C14orf132: variants seen among roughly 807,000 people sequenced by gnomAD.
C14orf132 encodes the protein chromosome 14 open reading frame 132.
In C14orf132, 6 loss-of-function variants were observed where a neutral mutation model predicts 5.8. That is an observed-to-expected ratio of 1.03 (90% CI 0.57 to 2.04). The LOEUF (loss-of-function observed/expected upper bound fraction) is 2.04. Among genes scored for constraint, C14orf132 ranks in the 30% most tolerant of loss-of-function variants. The probability of loss-of-function intolerance (pLI) is 0.00; values close to 1 mark genes in which losing one functional copy is unlikely to be tolerated. For missense variants in C14orf132, 125 were observed against 115.8 expected (o/e 1.08, Z -0.37); for synonymous variants, 51 against 49.8 (o/e 1.02, Z -0.10).
Position 96,093,754 on chromosome 14 carries a change from C to T in C14orf132, c.*7019C>T, listed in dbSNP as rs1479360999. The T allele has an allele frequency of 6.6e-6, 1 of 152,220 alleles. No individual in the cohort carries two copies. Among genetic ancestry groups the T allele is most frequent in the Admixed American group, 6.5e-5 (1 of 15,288 alleles). 9.4% of individuals were successfully genotyped at this position (152,220 alleles called of 1,614,324 possible). On this transcript the variant is annotated 3_prime_UTR_variant, in exon 2 of 2. Coordinates refer to ENST00000555004, the MANE Select transcript of C14orf132 (RefSeq NM_001252507.3). ...AAGACTCTTTCTTAATAAAGGATTTCGCTGTGCTCTTTTGATTAAAAATAT... is the reference window on the plus strand; with the variant it reads ...AAGACTCTTTCTTAATAAAGGATTTTGCTGTGCTCTTTTGATTAAAAATAT...
At chr14:96,051,726 G>T (rs1195731259) in intron 1 of C14orf132, among the ~76,000 whole-genome samples, 1 of 152,148 alleles carries the variant, frequency 6.6e-6, no homozygotes, top group African/African-American at 2.4e-5. Flanking sequence ...TTCCTATGGA[G>T]GTTCCACCCG....
At chr14:96,060,835 A>G (rs1887330499) in intron 1 of C14orf132, among the ~76,000 whole-genome samples, 1 of 152,326 alleles carries the variant, frequency 6.6e-6, no homozygotes, top group East Asian at 1.9e-4. Context: ...CAAACATCCA[A>G]GGAGCTGAGA....
In C14orf132 at chr14:96,043,890, C is replaced by T. The variant is rs113675387; in HGVS notation, c.27+4363C>T. ...ACTTGCTCCAAAACTGAGCTTCTCC[C>T]TCTCTCCAGGCCACACCTGCCAGAG... On this transcript the variant is annotated intron_variant, in intron 1 of 1. Coordinates refer to ENST00000555004, the MANE Select transcript of C14orf132 (RefSeq NM_001252507.3). Among the ~76,000 whole-genome samples, 75 of 152,334 alleles carry T rather than the reference C, an allele frequency of 4.9e-4. 2 individuals carry two copies. Among genetic ancestry groups the T allele is most frequent in the African/African-American group, 1.6e-3 (67 of 41,576 alleles).
intron 1 of C14orf132, among the ~76,000 whole-genome samples, chr14:96,081,899 C>T (rs1566835898): frequency 6.6e-6 from 1 of 152,194 alleles, no homozygotes; most frequent in Non-Finnish European, 1.5e-5. Flanking sequence ...CGCACCCGGC[C>T]AACAAATGTT....
intron 1 of C14orf132, among the ~76,000 whole-genome samples, chr14:96,082,200 G>C (rs935367940): frequency 6.6e-6 from 1 of 152,198 alleles, no homozygotes; most frequent in Non-Finnish European, 1.5e-5. Context: ...CCACTGGCGT[G>C]AGAAAACCCT....
intron 1 of C14orf132, among the ~76,000 whole-genome samples, chr14:96,067,648 G>A (rs1261246814): frequency 6.6e-6 from 1 of 151,574 alleles, no homozygotes; most frequent in Non-Finnish European, 1.5e-5. Flanking sequence ...GCTGTGAGCG[G>A]AGATCAGGCC....
chr14:96,053,514 C>A (rs184085110), intron 1 of C14orf132, among the ~76,000 whole-genome samples: 1 of 152,358 alleles, frequency 6.6e-6, no homozygotes, highest in East Asian at 1.9e-4. Context: ...AGAGCCTGGG[C>A]AGACCCCTGG....
intron 1 of C14orf132, among the ~76,000 whole-genome samples, chr14:96,043,194 C>T (rs1422556050): frequency 2.0e-5 from 3 of 152,178 alleles, no homozygotes; most frequent in Non-Finnish European, 4.4e-5. Context: ...TGGTGACATT[C>T]TGTGGCCAAG....
Position 96,039,625 on chromosome 14 carries a change from C to A in C14orf132, c.27+98C>A, listed in dbSNP as rs539038828. The A allele has an allele frequency of 5.9e-5, 72 of 1,216,782 alleles. No individual in the cohort carries two copies. The African/African-American group carries it at 9.6e-4, about 16-fold the overall frequency. 75.4% of individuals were successfully genotyped at this position (1,216,782 alleles called of 1,614,324 possible). On this transcript the variant is annotated intron_variant, in intron 1 of 1. Transcript: ENST00000555004. This position sits in a 1 kb window ranked among gnomAD's most constrained non-coding sequence, Gnocchi z 5.3. ...CACGCTGGGGCTGGGCAGTGGCGCC[C>A]GCCCGCGATCCGCGTCCCGGTCCTT...
intron 1 of C14orf132, among the ~76,000 whole-genome samples, chr14:96,086,058 C>T (rs1888173575): frequency 6.6e-6 from 1 of 152,110 alleles, no homozygotes; most frequent in Non-Finnish European, 1.5e-5. Flanking sequence ...AATGTTAGCA[C>T]TGATTATGTG....
In C14orf132 at chr14:96,090,405, AG is replaced by A; in HGVS notation, c.*3671del. On this transcript the variant is annotated 3_prime_UTR_variant, in exon 2 of 2. Transcript: ENST00000555004. ...GACTCTGTCTCAAAAAAAAAAAAAA[AG>A]AAAAGAAAAAAAAAAAGAGCAACTT... 2.1e-5 allele frequency: 6 copies of A among 290,396 alleles called. No individual in the cohort carries two copies. The highest frequency in any genetic ancestry group is 3.3e-5 in the South Asian group (1 of 30,374). The allele number at this position is 290,396 out of a possible 1,614,324, so 18.0% of individuals were successfully genotyped here. A position where few individuals can be genotyped will look rare whatever the true frequency, so the allele number is the denominator to read the frequency against.
At chr14:96,070,133 G>A (rs899108498) in intron 1 of C14orf132, among the ~76,000 whole-genome samples, 6 of 152,236 alleles carry the variant, frequency 3.9e-5, no homozygotes, top group Admixed American at 3.3e-4. Context: ...TAAACCAAGA[G>A]CCTATGAAGT....
At chr14:96,066,814 T>C (rs971661215) in intron 1 of C14orf132, among the ~76,000 whole-genome samples, 1 of 152,190 alleles carries the variant, frequency 6.6e-6, no homozygotes, top group Admixed American at 6.5e-5. Context: ...CTATAATACA[T>C]GTAATGTAGT....
At chr14:96,050,909 A>T (rs1230729488) in intron 1 of C14orf132, among the ~76,000 whole-genome samples, 2 of 151,990 alleles carry the variant, frequency 1.3e-5, no homozygotes, top group African/African-American at 4.8e-5. Flanking sequence ...TTTTGGCTGG[A>T]TGTGGAATTT....
At chr14:96,081,802 G>T (rs1056570461) in intron 1 of C14orf132, among the ~76,000 whole-genome samples, 1 of 152,042 alleles carries the variant, frequency 6.6e-6, no homozygotes, top group Non-Finnish European at 1.5e-5. Flanking sequence ...GTCTCACTAT[G>T]TTACCCGGAC....
At chr14:96,040,410 G>C (rs1157045124) in intron 1 of C14orf132, 1 of 397,442 alleles carries the variant, frequency 2.5e-6, no homozygotes, top group African/African-American at 2.1e-5. Flanking sequence ...ACCTTCTCTG[G>C]TTGTGTTGGT....
At chr14:96,081,554 G>A (rs896473288) in intron 1 of C14orf132, among the ~76,000 whole-genome samples, 16 of 152,192 alleles carry the variant, frequency 1.1e-4, no homozygotes, top group African/African-American at 3.9e-4. Flanking sequence ...CTTCGGAAAA[G>A]CGTAGGCAGA....
chr14:96,074,511 T>G (rs1016672662), intron 1 of C14orf132, among the ~76,000 whole-genome samples: 26 of 151,900 alleles, frequency 1.7e-4, no homozygotes, highest in Non-Finnish European at 2.9e-4. Context: ...TTCATTTAGG[T>G]CTAAGATCCA....
In C14orf132 at chr14:96,060,912, T is replaced by C. The variant is rs979281532; in HGVS notation, c.27+21385T>C. ...CATCCCTGCCCATTTCCATAGCCCA[T>C]TGTGTATTTGCCATAGACCTTTGAA... On this transcript the variant is annotated intron_variant, in intron 1 of 1. Coordinates refer to ENST00000555004, the MANE Select transcript of C14orf132 (RefSeq NM_001252507.3). Among the ~76,000 whole-genome samples, 4 of 152,196 alleles carry C rather than the reference T, an allele frequency of 2.6e-5. No homozygotes were observed. The East Asian group carries it at 5.8e-4, about 22-fold the overall frequency.
Sources: allele counts gnomAD v4.1 joint callset (sites outside exome capture counted in the v4.1 genomes callset), GRCh38; gene constraint gnomAD v4.1.1; non-coding constraint Gnocchi (gnomAD v3.1); transcripts MANE v1.5; gene names NCBI Gene and HGNC (gene_info 2026-07-23, HGNC 2026-07-21).